KTN1: variants seen among roughly 807,000 people sequenced by gnomAD.
The protein encoded by KTN1 is kinectin.
Under a neutral mutation model 222.5 loss-of-function variants are expected in KTN1, and 130 were observed. The observed-to-expected ratio is 0.58, with a 90% CI of 0.51 to 0.68. KTN1 has a LOEUF of 0.68. Among genes scored for constraint, KTN1 ranks in the 30% least tolerant of loss-of-function variants. The pLI is 0.00. For synonymous variants in KTN1, 512 were observed against 496.3 expected (o/e 1.03, Z -0.42); for missense variants, 1,508 against 1,500.4 (o/e 1.01, Z -0.08).
chr14:55,640,544 A>C (rs1282454881), intron 15 of KTN1, 102 bp downstream of exon 15: 11 of 775,356 alleles, frequency 1.4e-5, no homozygotes, highest in Non-Finnish European at 2.3e-5. Context: ...TAAGTAAAAA[A>C]TATAATGGTT....
intron 1 of KTN1, among the ~76,000 whole-genome samples, chr14:55,611,571 G>T (rs1237477555): frequency 6.6e-6 from 1 of 151,928 alleles, no homozygotes; most frequent in Admixed American, 6.6e-5. Flanking sequence ...CTCTTTTTGC[G>T]TGTGTGTGCA....
At chr14:55,641,662 A>G (rs772044462) in intron 17 of KTN1, 30 bp from the exon 18 acceptor site, 2 of 1,383,316 alleles carry the variant, frequency 1.4e-6, no homozygotes, top group Non-Finnish European at 2.1e-6. Context: ...TTTTCTTAAT[A>G]AAACAGTAAA....
In KTN1 at chr14:55,651,664, T is replaced by C. The variant is rs181038070; in HGVS notation, c.2566-226T>C. ...AAAAGCATCACATTAGTTAGACTTA[T>C]TATTCATAACTATTTTCCTTGTCCC... On this transcript the variant is annotated intron_variant, in intron 24 of 43. Transcript: ENST00000395314. The C allele has an allele frequency of 1.3e-3, 662 of 507,468 alleles. 2 individuals carry two copies. The highest frequency in any genetic ancestry group is 3.7e-3 in the Middle Eastern group (7 of 1,880). The allele number at this position is 507,468 out of a possible 1,614,324, so 31.4% of individuals were successfully genotyped here. A position where few individuals can be genotyped will look rare whatever the true frequency, so the allele number is the denominator to read the frequency against.
At chr14:55,637,451 C>G in intron 11 of KTN1, 87 bp downstream of exon 11, 1 of 911,828 alleles carries the variant, frequency 1.1e-6, no homozygotes, top group Non-Finnish European at 1.6e-6. Flanking sequence ...TAAAGTCTAC[C>G]TTATCCTAAT....
chr14:55,671,403 T>G lies in KTN1; in HGVS notation c.3349-163T>G. The G allele has an allele frequency of 5.1e-6, 3 of 585,846 alleles. No individual in the cohort carries two copies. The South Asian group carries it at 7.0e-5, about 14-fold the overall frequency. The allele number at this position is 585,846 out of a possible 1,614,324, so 36.3% of individuals were successfully genotyped here. ...TTAATAAAAATGACCAAAAGGGTTA[T>G]TGAATGAACTTCATCGCTACTTAGA... is the stretch of plus-strand genomic sequence containing the variant. On this transcript the variant is annotated intron_variant, in intron 35 of 43. Coordinates refer to ENST00000395314, the MANE Select transcript of KTN1 (RefSeq NM_001079521.2).
In KTN1 at chr14:55,667,335, G is replaced by A; in HGVS notation, c.3267+5G>A. 6.6e-7 allele frequency: 1 copy of A among 1,510,468 alleles called. No homozygotes were observed. The highest frequency in any genetic ancestry group is 9.1e-7 in the Non-Finnish European group (1 of 1,099,918). 93.6% of individuals were successfully genotyped at this position (1,510,468 alleles called of 1,614,324 possible). A position where few individuals can be genotyped will look rare whatever the true frequency, so the allele number is the denominator to read the frequency against. On this transcript the variant is annotated splice_donor_5th_base_variant and intron_variant, in intron 34 of 43. Coordinates refer to ENST00000395314, the MANE Select transcript of KTN1 (RefSeq NM_001079521.2). The stretch of plus-strand genomic sequence containing the variant: ...GTGTCTGTCCCTTCTAATTTGGTAA[G>A]ACTAATTTATTATTTTTTTAACATG...
intron 1 of KTN1, among the ~76,000 whole-genome samples, chr14:55,591,966 TG>T (rs1164782637): frequency 1.1e-4 from 16 of 152,340 alleles, no homozygotes; most frequent in African/African-American, 3.8e-4. Flanking sequence ...ATTTTTCTGT[TG>T]GGTTTATCTT....
chr14:55,625,011 G>A (rs1256444578), intron 5 of KTN1, among the ~76,000 whole-genome samples: 1 of 152,200 alleles, frequency 6.6e-6, no homozygotes, highest in African/African-American at 2.4e-5. Context: ...AGAAGGGTTG[G>A]AGCAGGGATG....
intron 43 of KTN1, chr14:55,680,550 C>A: frequency 1.9e-6 from 1 of 522,914 alleles, no homozygotes. Flanking sequence ...GGCAACTCAT[C>A]ACTGAATTAT....
At chr14:55,609,482 CAGAA>C (rs1337189671) in intron 1 of KTN1, among the ~76,000 whole-genome samples, 1 of 152,154 alleles carries the variant, frequency 6.6e-6, no homozygotes, top group East Asian at 1.9e-4. Flanking sequence ...AATCCAGAGA[CAGAA>C]AGCTTGATTC....
At chr14:55,663,877 C>A (rs2044412041) in intron 32 of KTN1, 78 bp from the exon 33 acceptor site, 8 of 975,704 alleles carry the variant, frequency 8.2e-6, no homozygotes, top group Admixed American at 2.0e-5. Context: ...AAATGCAGTG[C>A]AAAATACTGA....
chr14:55,608,832 G>A (rs915288067), intron 1 of KTN1, among the ~76,000 whole-genome samples: 3 of 151,890 alleles, frequency 2.0e-5, no homozygotes, highest in Non-Finnish European at 2.9e-5. Flanking sequence ...GTTTCACCAT[G>A]TTGATCAGAC....
chr14:55,638,296 C>G (rs1434175920), intron 12 of KTN1, among the ~76,000 whole-genome samples: 2 of 151,884 alleles, frequency 1.3e-5, no homozygotes, highest in Non-Finnish European at 2.9e-5. Context: ...AGTTTAGTGA[C>G]TCAGCCTTCC....
Position 55,644,246 on chromosome 14 carries a change from A to T in KTN1, c.2172+2486A>T, listed in dbSNP as rs928449554. On this transcript the variant is annotated intron_variant, in intron 18 of 43. Transcript: ENST00000395314. ...TTTCTGTCATTTCCACTTTTCTTTA[A>T]CCCCTTTCTATCCCACAGTCAGAAT... 4 of 514,022 alleles carry T rather than the reference A, an allele frequency of 7.8e-6. No individual in the cohort carries two copies. In the Admixed American group the frequency reaches 9.0e-5, roughly 12 times the overall value. The allele number at this position is 514,022 out of a possible 1,614,324, so 31.8% of individuals were successfully genotyped here.
intron 33 of KTN1, among the ~76,000 whole-genome samples, chr14:55,664,283 G>A (rs566387369): frequency 6.6e-6 from 1 of 152,240 alleles, no homozygotes; most frequent in South Asian, 2.1e-4. Flanking sequence ...AAGCTGAAGA[G>A]TCTCAGAAGA....
At chr14:55,609,341 T>C (rs2037207650) in intron 1 of KTN1, among the ~76,000 whole-genome samples, 1 of 152,206 alleles carries the variant, frequency 6.6e-6, no homozygotes, top group African/African-American at 2.4e-5. Flanking sequence ...CATTCCTTTT[T>C]ATGGCTGCAG....
In KTN1 at chr14:55,678,380, C is replaced by T. The variant is rs2046063975; in HGVS notation, c.3884C>T (p.Ser1295Leu). The T allele has an allele frequency of 6.2e-7, 1 of 1,611,086 alleles. No homozygotes were observed. Among genetic ancestry groups the T allele is most frequent in the South Asian group, 1.1e-5 (1 of 91,018 alleles). ...CAACAGTCACTGGAGCTTATCCAGTCAAAAATAGTAAAAGCTGCTGGAGAC... is the reference window on the plus strand; with the variant it reads ...CAACAGTCACTGGAGCTTATCCAGTTAAAAATAGTAAAAGCTGCTGGAGAC... Reference protein sequence around the residue: ...KAQQSLELIQSKIVKAAGDTT... With the variant: ...KAQQSLELIQLKIVKAAGDTT... Residue 1295 changes from serine (S) to leucine (L), a missense_variant, in exon 42 of 44, where the codon TCA becomes TTA. Physicochemically the swap from Ser to Leu is moderately radical, Grantham distance 145. Transcript: ENST00000395314.
At chr14:55,671,393 A>C (rs2045434647) in intron 35 of KTN1, 173 bp from the exon 36 acceptor site, 1 of 574,454 alleles carries the variant, frequency 1.7e-6, no homozygotes. Context: ...AAAAATGACC[A>C]AAAGGGTTAT....
intron 1 of KTN1, among the ~76,000 whole-genome samples, chr14:55,583,397 C>T (rs1016528611): frequency 7.2e-5 from 11 of 151,998 alleles, no homozygotes; most frequent in Non-Finnish European, 1.5e-4. Flanking sequence ...TAATATTCCT[C>T]GGAAATGTAG....
Sources: allele counts gnomAD v4.1 joint callset (sites outside exome capture counted in the v4.1 genomes callset), GRCh38; gene constraint gnomAD v4.1.1; transcripts MANE v1.5; gene names NCBI Gene and HGNC (gene_info 2026-07-23, HGNC 2026-07-21).